The following AP1M2 variants were observed in gnomAD, a reference collection of about 807,000 sequenced individuals.
The protein encoded by AP1M2 is adaptor related protein complex 1 subunit mu 2.
Under a neutral mutation model 54.6 loss-of-function variants are expected in AP1M2, and 41 were observed. The ratio of observed to expected loss-of-function variants is 0.75; its 90% CI spans 0.59 to 0.97. The LOEUF (loss-of-function observed/expected upper bound fraction) is 0.97. Among genes scored for constraint, AP1M2 ranks in the 50% least tolerant of loss-of-function variants. The probability of loss-of-function intolerance (pLI) is 0.00; values close to 1 mark genes in which losing one functional copy is unlikely to be tolerated. For synonymous variants in AP1M2, 219 were observed against 215.9 expected (o/e 1.01, Z -0.13); for missense variants, 507 against 561.2 (o/e 0.90, Z 0.98).
intron 6 of AP1M2, 151 bp downstream of exon 6, chr19:10,581,115 G>T: frequency 1.7e-6 from 2 of 1,169,718 alleles, no homozygotes; most frequent in Non-Finnish European, 1.2e-6. Context: ...AGCCTTTGCA[G>T]TCAGCCAATG....
intron 1 of AP1M2, among the ~76,000 whole-genome samples, chr19:10,585,286 A>AGAAAGAAAGAAGGAAGGAAGGAAG (rs1917605655): frequency 1.2e-4 from 7 of 58,138 alleles, no homozygotes; most frequent in Middle Eastern, 8.8e-3. Flanking sequence ...GAAGAAAAAA[A>AGAAAGAAAGAAGGAAGGAAGGAAG]GAAAGAAAGA....
intron 1 of AP1M2, among the ~76,000 whole-genome samples, chr19:10,585,283 A>AAAAGAAAG (rs71297575): frequency 2.2e-4 from 23 of 104,542 alleles, no homozygotes; most frequent in Non-Finnish European, 3.6e-4. Context: ...AAAGAAGAAA[A>AAAAGAAAG]AAAGAAAGAA....
intron 6 of AP1M2, among the ~76,000 whole-genome samples, chr19:10,580,457 C>A (rs1292815910): frequency 6.6e-6 from 1 of 151,800 alleles, no homozygotes; most frequent in Non-Finnish European, 1.5e-5. Context: ...GTAAAGAGAT[C>A]GAGACCATCC....
At chr19:10,577,760 G>T in intron 8 of AP1M2, among the ~76,000 whole-genome samples, 2 of 135,938 alleles carry the variant, frequency 1.5e-5, no homozygotes. Context: ...TTTTTTAGAC[G>T]GAGTCTCTCT....
chr19:10,574,106 T>C (rs1193871944), intron 11 of AP1M2, among the ~76,000 whole-genome samples: 2 of 152,140 alleles, frequency 1.3e-5, no homozygotes, highest in Non-Finnish European at 2.9e-5. Context: ...CACTGCAACC[T>C]CCACCTCCCG....
chr19:10,583,645 A>G lies in AP1M2; in HGVS notation c.228T>C (p.Asn76=), dbSNP rs1214964714. 6.8e-6 allele frequency: 11 copies of G among 1,613,338 alleles called. No individual in the cohort carries two copies. Among genetic ancestry groups the G allele is most frequent in the Non-Finnish European group, 8.5e-6 (10 of 1,179,564 alleles). The change falls in exon 3 of 12, where the codon AAT becomes AAC. Residue 76 remains asparagine, a synonymous_variant. Coordinates refer to ENST00000250244, the MANE Select transcript of AP1M2 (RefSeq NM_005498.5). ...YLVATTSKNA[N]ASLVYSFLYK... is the part of the protein sequence containing the mutation. The stretch of plus-strand genomic sequence containing the variant: ...ACAGGAAGGAGTACACCAGGGAGGC[A>G]TTGGCATTCTTCGATGTGGTGGCCA...
chr19:10,581,977 G>A (rs1296837890), intron 3 of AP1M2, 99 bp from the exon 4 acceptor site: 13 of 1,337,438 alleles, frequency 9.7e-6, no homozygotes, highest in African/African-American at 7.4e-5. Flanking sequence ...GCCAAGGCAC[G>A]AGGATCACTT....
In AP1M2 at chr19:10,579,814, G is replaced by A; in HGVS notation, c.718C>T (p.Gln240Ter). The stretch of plus-strand genomic sequence containing the variant: ...TCAAAGCGAGAGAGCCGCACGCACT[G>A]GTGGAATTTTACATCCTCCAGCTCT... ...SVELEDVKFHQCVRLSRFDND... is the reference protein window; with the variant it reads ...SVELEDVKFH The change falls in exon 7 of 12, where the codon CAG becomes TAG. Residue 240 changes from glutamine (Q) to a stop codon, truncating the protein, a stop_gained. Coordinates refer to ENST00000250244, the MANE Select transcript of AP1M2 (RefSeq NM_005498.5). LOFTEE classifies it high-confidence loss of function. 6.2e-7 allele frequency: 1 copy of A among 1,613,330 alleles called. No homozygotes were observed. Among genetic ancestry groups the A allele is most frequent in the Non-Finnish European group, 8.5e-7 (1 of 1,179,628 alleles).
intron 1 of AP1M2, among the ~76,000 whole-genome samples, chr19:10,586,535 G>T (rs1917661038): frequency 6.6e-6 from 1 of 150,642 alleles, no homozygotes; most frequent in East Asian, 1.9e-4. Context: ...GAGTTTGAGA[G>T]CAGCTTTGGC....
intron 10 of AP1M2, 135 bp downstream of exon 10, chr19:10,574,769 C>T: frequency 8.0e-7 from 1 of 1,250,794 alleles, no homozygotes; most frequent in South Asian, 1.6e-5. Context: ...GGTAACATTG[C>T]TCTGGGAAAG....
At chr19:10,576,763 G>A (rs894732895) in intron 9 of AP1M2, among the ~76,000 whole-genome samples, 2 of 150,524 alleles carry the variant, frequency 1.3e-5, no homozygotes, top group African/African-American at 4.9e-5. Flanking sequence ...GGAGTGTGCA[G>A]TGGCACAATC....
intron 1 of AP1M2, among the ~76,000 whole-genome samples, chr19:10,586,844 C>G (rs994609557): frequency 6.6e-6 from 1 of 152,196 alleles, no homozygotes; most frequent in African/African-American, 2.4e-5. Flanking sequence ...GGTATTAACA[C>G]TGTGGATGCC....
intron 9 of AP1M2, among the ~76,000 whole-genome samples, chr19:10,576,961 T>C (rs762605135): frequency 1.3e-5 from 2 of 152,126 alleles, no homozygotes; most frequent in African/African-American, 2.4e-5. Context: ...GCCCAGCTCC[T>C]CTTAATATTT....
intron 1 of AP1M2, 65 bp downstream of exon 1, chr19:10,587,125 G>T (rs75192074): frequency 0.27 from 419,692 of 1,529,264 alleles, 61,662 homozygotes; most frequent in Non-Finnish European, 0.31. Context: ...CGGAGGGGTC[G>T]CCCCTGAATC....
chr19:10,582,072 C>A (rs1917483558), intron 3 of AP1M2, among the ~76,000 whole-genome samples, 194 bp from the exon 4 acceptor site: 1 of 151,626 alleles, frequency 6.6e-6, no homozygotes, highest in African/African-American at 2.4e-5. Context: ...TCGAGACAGT[C>A]TCGCACTGTC....
At chr19:10,585,283 A>AAAGAAAGAAGGAAGGAAGGAAGG (rs1568434699) in intron 1 of AP1M2, among the ~76,000 whole-genome samples, 3 of 104,570 alleles carry the variant, frequency 2.9e-5, no homozygotes, top group Admixed American at 9.6e-5. Flanking sequence ...AAAGAAGAAA[A>AAAGAAAGAAGGAAGGAAGGAAGG]AAAGAAAGAA....
Position 10,579,720 on chromosome 19 carries a change from G to A in AP1M2, c.812C>T (p.Thr271Ile). 4 of 1,612,856 alleles carry A rather than the reference G, an allele frequency of 2.5e-6. No homozygotes were observed. Among genetic ancestry groups the A allele is most frequent in the Non-Finnish European group, 3.4e-6 (4 of 1,179,354 alleles). The stretch of plus-strand genomic sequence containing the variant: ...TGGGGCTGGACCCTGCCTCACCTGG[G>A]TGCTGAGGCGGTATGACATGAGCTC... ...DFELMSYRLS[T>I]QVKPLIWIES... is the part of the protein sequence containing the mutation. Residue 271 changes from threonine (T) to isoleucine (I), a missense_variant, in exon 7 of 12, where the codon ACC (threonine) becomes ATC (isoleucine). Physicochemically the swap from Thr to Ile is moderately conservative, Grantham distance 89. Transcript: ENST00000250244.
chr19:10,585,339 G>GAAAGAAAGAAAGAA, intron 1 of AP1M2, among the ~76,000 whole-genome samples: 1 of 149,882 alleles, frequency 6.7e-6, no homozygotes, highest in Non-Finnish European at 1.5e-5. Flanking sequence ...AAGAAAGAAA[G>GAAAGAAAGAAAGAA]AAAGAAAGAA....
chr19:10,583,500 G>A, intron 3 of AP1M2, 106 bp downstream of exon 3: 1 of 844,330 alleles, frequency 1.2e-6, no homozygotes, highest in Non-Finnish European at 1.9e-6. Flanking sequence ...AAGACCCAGG[G>A]AGATCTGGGA....
Sources: allele counts gnomAD v4.1 joint callset (sites outside exome capture counted in the v4.1 genomes callset), GRCh38; gene constraint gnomAD v4.1.1; transcripts MANE v1.5; gene names NCBI Gene and HGNC (gene_info 2026-07-23, HGNC 2026-07-21).